IFT43: variants seen among roughly 807,000 people sequenced by gnomAD.
The protein encoded by IFT43 is intraflagellar transport protein 43 homolog.
Under a neutral mutation model 32.3 loss-of-function variants are expected in IFT43, and 33 were observed. That is an observed-to-expected ratio of 1.02 (90% CI 0.77 to 1.37). The LOEUF (loss-of-function observed/expected upper bound fraction) is 1.37, where lower values mean the gene tolerates loss of function less well. IFT43 is among the 40% of genes most tolerant of loss of function. IFT43 has a pLI of 0.00. For synonymous variants in IFT43, 93 were observed against 98.2 expected, an observed-to-expected ratio of 0.95 and a Z score of 0.31; for missense variants, 274 against 265.9, an observed-to-expected ratio of 1.03 and a Z score of -0.21.
chr14:76,039,090 C>G (rs945275864), intron 3 of IFT43, among the ~76,000 whole-genome samples: 1 of 151,576 alleles, frequency 6.6e-6, no homozygotes, highest in African/African-American at 2.4e-5. Context: ...GCACGCAGGT[C>G]TAATGTTAGA....
intron 3 of IFT43, among the ~76,000 whole-genome samples, chr14:76,040,835 G>A (rs1222195356): frequency 6.6e-6 from 1 of 152,218 alleles, no homozygotes; most frequent in Non-Finnish European, 1.5e-5. Context: ...GGGAGCACCC[G>A]ATCCCCTAGG....
chr14:76,028,923 C>T (rs74317159), intron 3 of IFT43, among the ~76,000 whole-genome samples: 4,546 of 152,236 alleles, frequency 0.03, 104 homozygotes, highest in Non-Finnish European at 0.049. Flanking sequence ...AATGAATATA[C>T]GTTTGCAAGT....
chr14:76,044,560 T>C (rs1213442657), intron 3 of IFT43, among the ~76,000 whole-genome samples: 5 of 152,190 alleles, frequency 3.3e-5, no homozygotes, highest in Admixed American at 2.6e-4. Context: ...TCATTGGTCA[T>C]TGGTGATCAG....
chr14:76,059,582 ATCCTTC>A (rs912523551), intron 5 of IFT43: 21 of 579,686 alleles, frequency 3.6e-5, no homozygotes, highest in Non-Finnish European at 6.2e-5. Context: ...AACCCTGCTT[ATCCTTC>A]AAAAGGTCAG....
chr14:75,989,777 T>G (rs1314886877), intron 2 of IFT43, among the ~76,000 whole-genome samples: 1 of 152,210 alleles, frequency 6.6e-6, no homozygotes, highest in Non-Finnish European at 1.5e-5. Context: ...TCTAGCTTGC[T>G]GGCCCATAGT....
At chr14:75,985,975 A>G in intron 1 of IFT43, 135 bp downstream of exon 1, 1 of 1,530,210 alleles carries the variant, frequency 6.5e-7, no homozygotes, top group Admixed American at 2.0e-5. Context: ...AGAAGGAGGC[A>G]GCCTCACCGC....
chr14:75,991,385 AAGAGTGTGT>A (rs1289121582), intron 2 of IFT43, among the ~76,000 whole-genome samples: 4 of 112,042 alleles, frequency 3.6e-5, no homozygotes, highest in Non-Finnish European at 5.3e-5. Flanking sequence ...AAATATTAAC[AAGAGTGTGT>A]GTGTGTGTGT....
intron 2 of IFT43, among the ~76,000 whole-genome samples, chr14:76,018,676 G>T (rs1248959177): frequency 6.6e-6 from 1 of 152,062 alleles, no homozygotes; most frequent in Non-Finnish European, 1.5e-5. Context: ...TATTGTATTG[G>T]AGTCTATTTA....
intron 5 of IFT43, among the ~76,000 whole-genome samples, chr14:76,075,693 G>A (rs180829522): frequency 3.3e-5 from 5 of 152,302 alleles, no homozygotes; most frequent in South Asian, 2.1e-4. Context: ...AATATGAAAC[G>A]CCCATGATGC....
chr14:76,031,196 G>A (rs2036504548), intron 3 of IFT43, among the ~76,000 whole-genome samples: 2 of 151,756 alleles, frequency 1.3e-5, no homozygotes, highest in South Asian at 4.2e-4. Context: ...AGTTTTATTG[G>A]AATACAGCCA....
chr14:76,022,452 T>C, intron 3 of IFT43, 58 bp downstream of exon 3: 2 of 971,344 alleles, frequency 2.1e-6, no homozygotes, highest in Middle Eastern at 2.1e-4. Flanking sequence ...GGGGGGACTT[T>C]GCTCCTGTGT....
At chr14:76,009,732 G>A (rs756839027) in intron 2 of IFT43, among the ~76,000 whole-genome samples, 1 of 152,126 alleles carries the variant, frequency 6.6e-6, no homozygotes, top group Non-Finnish European at 1.5e-5. Flanking sequence ...ACCCAGGGTT[G>A]TGGACCTAGT....
intron 2 of IFT43, among the ~76,000 whole-genome samples, chr14:76,000,454 A>G (rs1229550109): frequency 2.0e-5 from 3 of 147,772 alleles, no homozygotes; most frequent in Admixed American, 6.7e-5. Flanking sequence ...TTGTATTTTT[A>G]GTAGAGACGG....
At chr14:76,050,488 TTTTG>T (rs1226995792) in intron 3 of IFT43, among the ~76,000 whole-genome samples, 3 of 151,974 alleles carry the variant, frequency 2.0e-5, no homozygotes, top group African/African-American at 4.8e-5. Context: ...TTTTCTTGGG[TTTTG>T]TTTGTTTGTT....
At chr14:75,993,376 C>T (rs533824043) in intron 2 of IFT43, among the ~76,000 whole-genome samples, 1 of 152,322 alleles carries the variant, frequency 6.6e-6, no homozygotes, top group Admixed American at 6.5e-5. Context: ...CACATGGCGG[C>T]AATTGGCTGG....
At chr14:76,056,781 C>T (rs781741604) in intron 3 of IFT43, among the ~76,000 whole-genome samples, 83 of 152,164 alleles carry the variant, frequency 5.5e-4, no homozygotes, top group Non-Finnish European at 2.2e-4. Flanking sequence ...TCCTTGGGGA[C>T]GGCGTGAACT....
chr14:75,994,533 A>C (rs1453897304), intron 2 of IFT43, among the ~76,000 whole-genome samples: 2 of 152,216 alleles, frequency 1.3e-5, no homozygotes, highest in African/African-American at 2.4e-5. Context: ...TAATGCATGT[A>C]AAGTACTTAG....
chr14:76,056,166 C>T (rs1012198516), intron 3 of IFT43, among the ~76,000 whole-genome samples: 2 of 152,190 alleles, frequency 1.3e-5, no homozygotes, highest in Non-Finnish European at 2.9e-5. Context: ...GGCCAGTGTT[C>T]GGTCTGTGAC....
Position 75,988,891 on chromosome 14 carries a change from A to G in IFT43, c.61A>G (p.Lys21Glu), listed in dbSNP as rs757342190. The change falls in exon 2 of 9, where the codon AAG becomes GAG. Residue 21 changes from lysine (K) to glutamate (E), a missense_variant. Physicochemically the swap from Lys to Glu is moderately conservative, Grantham distance 56. Coordinates refer to ENST00000314067, the MANE Select transcript of IFT43 (RefSeq NM_001102564.3). ...LRYSLATSRA[K>E]MGRRAQQESA... ...CTTCTGTTTCTCCTTACAGAGGGCC[A>G]AGATGGGTCGCCGAGCTCAACAGGA... 1.2e-6 allele frequency: 2 copies of G among 1,614,036 alleles called. No homozygotes were observed. The highest frequency in any genetic ancestry group is 1.3e-5 in the African/African-American group (1 of 75,054).
Sources: gnomAD v4.1 joint callset for allele counts (sites outside exome capture counted in the v4.1 genomes callset) on GRCh38, gnomAD v4.1.1 for gene constraint, MANE v1.5 for transcripts, NCBI Gene and HGNC (gene_info 2026-07-23, HGNC 2026-07-21) for gene names.